The following ULK4 variants were observed in gnomAD, a reference collection of about 807,000 sequenced individuals.
ULK4 encodes inactive serine/threonine-protein kinase ULK4.
ULK4 carries 133 observed loss-of-function variants against 160.6 expected under a neutral mutation model. The ratio of observed to expected loss-of-function variants is 0.83; its 90% CI spans 0.72 to 0.96. The LOEUF (loss-of-function observed/expected upper bound fraction) is 0.96, where lower values mean the gene tolerates loss of function less well. Ranked by LOEUF, ULK4 falls within the 40% of genes least tolerant of loss-of-function variation. The probability of loss-of-function intolerance (pLI) is 0.00; values close to 1 mark genes in which losing one functional copy is unlikely to be tolerated. For synonymous variants in ULK4, 534 were observed against 539.8 expected (o/e 0.99, Z 0.15); for missense variants, 1,580 against 1,499.5 (o/e 1.05, Z -0.89).
chr3:41,423,757 C>T (rs1419192391), intron 34 of ULK4, among the ~76,000 whole-genome samples: 2 of 151,890 alleles, frequency 1.3e-5, no homozygotes, highest in Non-Finnish European at 2.9e-5. Flanking sequence ...GTACAACAGC[C>T]CACCTGAGAG....
Position 41,819,380 on chromosome 3 carries a change from T to C in ULK4, c.1848+43A>G, listed in dbSNP as rs189098062. On this transcript the variant is annotated intron_variant, in intron 19 of 36. Coordinates refer to ENST00000301831, the MANE Select transcript of ULK4 (RefSeq NM_017886.4). ...TCCTCATACAGTGCCTGAAGGGTTA[T>C]TACAATTGCCAGCATCTACAGAGGA... The C allele has an allele frequency of 6.3e-6, 10 of 1,582,716 alleles. No individual in the cohort carries two copies. The Admixed American group carries it at 1.4e-4, about 23-fold the overall frequency.
chr3:41,726,322 T>G (rs912053735), intron 22 of ULK4, among the ~76,000 whole-genome samples: 1 of 152,214 alleles, frequency 6.6e-6, no homozygotes, highest in Admixed American at 6.5e-5. Context: ...CATTTCTTCA[T>G]GCTCTCCCCA....
At chr3:41,453,267 C>T (rs2083463734) in intron 34 of ULK4, among the ~76,000 whole-genome samples, 1 of 152,112 alleles carries the variant, frequency 6.6e-6, no homozygotes, top group Non-Finnish European at 1.5e-5. Context: ...CCTCACACTC[C>T]TGGGCTCAAG....
chr3:41,344,227 A>G (rs2080750271), intron 35 of ULK4, among the ~76,000 whole-genome samples: 1 of 152,222 alleles, frequency 6.6e-6, no homozygotes, highest in South Asian at 2.1e-4. Flanking sequence ...CAGTGGGGAA[A>G]GGATTCCCTA....
At chr3:41,920,489 G>C (rs913414457) in intron 5 of ULK4, among the ~76,000 whole-genome samples, 1 of 152,132 alleles carries the variant, frequency 6.6e-6, no homozygotes, top group African/African-American at 2.4e-5. Context: ...TTTAGAGCCA[G>C]AAAGTTCCCT....
At chr3:41,700,002 A>G (rs556102950) in intron 27 of ULK4, among the ~76,000 whole-genome samples, 1 of 152,320 alleles carries the variant, frequency 6.6e-6, no homozygotes, top group East Asian at 1.9e-4. Context: ...CTCATTAGGC[A>G]AAAGAATCAA....
intron 20 of ULK4, among the ~76,000 whole-genome samples, chr3:41,793,883 A>T (rs1197002030): frequency 6.6e-6 from 1 of 152,188 alleles, no homozygotes; most frequent in Non-Finnish European, 1.5e-5. Context: ...TCCTGAGTGG[A>T]AAGGACAAGT....
At chr3:41,628,445 A>G (rs1261550616) in intron 30 of ULK4, among the ~76,000 whole-genome samples, 1 of 152,208 alleles carries the variant, frequency 6.6e-6, no homozygotes, top group African/African-American at 2.4e-5. Flanking sequence ...AGGAGGGGAC[A>G]GCATCACTTC....
At chr3:41,506,090 TGTCTTTCAC>T (rs2085363443) in intron 32 of ULK4, among the ~76,000 whole-genome samples, 1 of 152,190 alleles carries the variant, frequency 6.6e-6, no homozygotes. Flanking sequence ...AAACTAGAAA[TGTCTTTCAC>T]ATAAACAGTG....
intron 35 of ULK4, among the ~76,000 whole-genome samples, chr3:41,316,763 T>A (rs1349991592): frequency 2.0e-5 from 3 of 152,206 alleles, no homozygotes; most frequent in East Asian, 3.9e-4. Flanking sequence ...AATGGATATA[T>A]TATTTTCCCT....
At chr3:41,718,396 G>C (rs1244387737) in intron 22 of ULK4, among the ~76,000 whole-genome samples, 1 of 152,108 alleles carries the variant, frequency 6.6e-6, no homozygotes, top group Non-Finnish European at 1.5e-5. Flanking sequence ...GCCTTTTAAA[G>C]CTAACTTATT....
At chr3:41,936,160 TC>T (rs1479266449) in intron 3 of ULK4, among the ~76,000 whole-genome samples, 4 of 152,122 alleles carry the variant, frequency 2.6e-5, no homozygotes, top group African/African-American at 9.7e-5. Context: ...AAGTGCCTGC[TC>T]CCTATGGATG....
rs146062781 is a variant in ULK4 at position 41,534,378 on chromosome 3, T to C, written c.3226+31647A>G. Among the ~76,000 whole-genome samples, 1,169 of 152,310 alleles carry C rather than the reference T, an allele frequency of 7.7e-3. 10 individuals are homozygous for C. Among genetic ancestry groups the C allele is most frequent in the Middle Eastern group, 0.034 (10 of 294 alleles). On this transcript the variant is annotated intron_variant, in intron 32 of 36. Coordinates refer to ENST00000301831, the MANE Select transcript of ULK4 (RefSeq NM_017886.4). ...CCGAAGCTGGAATTAATATCCATTA[T>C]TGAAAGGTCATTGCACAGGGATTAG...
intron 16 of ULK4, among the ~76,000 whole-genome samples, chr3:41,895,121 A>G (rs1559634483): frequency 1.3e-5 from 2 of 152,196 alleles, no homozygotes; most frequent in South Asian, 4.1e-4. Flanking sequence ...TCAAAACAGT[A>G]ACAGTTAGCC....
chr3:41,510,097 A>G (rs1384978004), intron 32 of ULK4, among the ~76,000 whole-genome samples: 1 of 152,232 alleles, frequency 6.6e-6, no homozygotes, highest in Non-Finnish European at 1.5e-5. Flanking sequence ...CACCTAACAC[A>G]TAAGAACTCA....
rs1407389851 is a variant in ULK4, at chr3:41,915,981, T to C, written c.799A>G (p.Lys267Glu). Reference sequence around the variant, plus strand: ...AGATCGAACTACTGTCCCTACCTTTTCTGAGGATCTCTTTGAAGTAACCCA... The same window carrying C: ...AGATCGAACTACTGTCCCTACCTTTCCTGAGGATCTCTTTGAAGTAACCCA... ...LDGLLQRDPQ[K>E]RLTWTRLLQH... The change falls in exon 8 of 37, where the codon AAA becomes GAA. Residue 267 changes from lysine to glutamate, a missense_variant. Coordinates refer to ENST00000301831, the MANE Select transcript of ULK4 (RefSeq NM_017886.4). The C allele has an allele frequency of 6.3e-6, 10 of 1,587,046 alleles. No individual in the cohort carries two copies. The highest frequency in any genetic ancestry group is 7.7e-6 in the Non-Finnish European group (9 of 1,172,612).
At chr3:41,590,245 G>A (rs530867784) in intron 31 of ULK4, among the ~76,000 whole-genome samples, 11 of 151,468 alleles carry the variant, frequency 7.3e-5, no homozygotes, top group African/African-American at 1.2e-4. Flanking sequence ...CTCATGATCC[G>A]CCTGCCTTGG....
chr3:41,664,974 T>A (rs1478482051), intron 29 of ULK4, among the ~76,000 whole-genome samples: 2 of 152,186 alleles, frequency 1.3e-5, no homozygotes, highest in African/African-American at 4.8e-5. Context: ...AGGTTTGCTC[T>A]CCAGTATGCA....
At chr3:41,645,429 T>C (rs1420573881) in intron 30 of ULK4, among the ~76,000 whole-genome samples, 2 of 152,224 alleles carry the variant, frequency 1.3e-5, no homozygotes, top group Non-Finnish European at 1.5e-5. Flanking sequence ...CATCTTTATT[T>C]CTGCCTTTGT....
Sources: allele counts gnomAD v4.1 joint callset (sites outside exome capture counted in the v4.1 genomes callset), GRCh38; gene constraint gnomAD v4.1.1; transcripts MANE v1.5; gene names NCBI Gene and HGNC (gene_info 2026-07-23, HGNC 2026-07-21).